Variants in ZNF44 observed in about 807,000 individuals in gnomAD.
The protein encoded by ZNF44 is gonadotropin inducible transcription repressor-2.
Under a neutral mutation model 11.7 loss-of-function variants are expected in ZNF44, and 9 were observed. The ratio of observed to expected loss-of-function variants is 0.77; its 90% CI spans 0.46 to 1.35. The LOEUF (loss-of-function observed/expected upper bound fraction) is 1.35. Ranked by LOEUF, ZNF44 falls within the 40% of genes most tolerant of loss-of-function variation. The probability of loss-of-function intolerance (pLI) is 0.00; values close to 1 mark genes in which losing one functional copy is unlikely to be tolerated. For synonymous variants in ZNF44, 224 were observed against 242.7 expected, an observed-to-expected ratio of 0.92 and a Z score of 0.72; for missense variants, 696 against 743.1, an observed-to-expected ratio of 0.94 and a Z score of 0.74.
rs1402287864 is a variant in ZNF44 at position 12,273,933 on chromosome 19, T to G, written c.322A>C (p.Asn108His). 2.5e-6 allele frequency: 4 copies of G among 1,614,070 alleles called. No individual in the cohort carries two copies. The Admixed American group carries it at 5.0e-5, about 20-fold the overall frequency. ...ARVDACGSSV[N>H]GEVIMGHSSL... is the part of the protein sequence containing the mutation. ...GAATGACCCATTATGACTTCTCCAT[T>G]CACACTGCTTCCACATGCATCTACT... Residue 108 changes from asparagine (N) to histidine (H), a missense_variant, in exon 4 of 4, where the codon AAT becomes CAT. Transcript: ENST00000355684.
intron 3 of ZNF44, among the ~76,000 whole-genome samples, chr19:12,229,793 T>C (rs1916080376): frequency 6.6e-6 from 1 of 152,010 alleles, no homozygotes; most frequent in South Asian, 2.1e-4. Context: ...TTTGTATTTT[T>C]AGTAGAGATG....
chr19:12,224,851 G>A (rs1047967504), downstream of ZNF44: 1 of 152,128 alleles, frequency 6.6e-6, no homozygotes, highest in South Asian at 2.1e-4. Context: ...TTTGTGGCAG[G>A]GTTGGAATGT....
At chr19:12,232,504 T>C (rs1568419110) in intron 2 of ZNF44, among the ~76,000 whole-genome samples, 2 of 152,184 alleles carry the variant, frequency 1.3e-5, no homozygotes, top group Non-Finnish European at 2.9e-5. Context: ...TCCGCAGTGT[T>C]TGTGTCCCTG....
In ZNF44 at chr19:12,273,747, C is replaced by G; in HGVS notation, c.508G>C (p.Asp170His). Reference protein sequence around the residue: ...ERPHTGKKPYDCKECGKTFSS... With the variant: ...ERPHTGKKPYHCKECGKTFSS... ...AAGGTTTTTCCACATTCCTTACAAT[C>G]ATAGGGTTTCTTTCCAGTGTGAGGC... The change falls in exon 4 of 4, where the codon GAT (aspartate) becomes CAT (histidine). Residue 170 changes from aspartate (D) to histidine (H), a missense_variant. Transcript: ENST00000355684. 6.2e-7 allele frequency: 1 copy of G among 1,614,106 alleles called. No homozygotes were observed. The highest frequency in any genetic ancestry group is 8.5e-7 in the Non-Finnish European group (1 of 1,180,004).
chr19:12,260,995 T>C (rs548263771), intron 5 of ZNF44, among the ~76,000 whole-genome samples: 32 of 152,216 alleles, frequency 2.1e-4, no homozygotes, highest in African/African-American at 7.7e-4. Context: ...CTGATGACAG[T>C]GGGTCTCACA....
chr19:12,278,678 G>A (rs1169644579), intron 1 of ZNF44, among the ~76,000 whole-genome samples: 1 of 151,480 alleles, frequency 6.6e-6, no homozygotes, highest in Non-Finnish European at 1.5e-5. Context: ...AGTGAACCAC[G>A]ATTGTGCCAC....
chr19:12,249,484 C>T (rs1362609625), intron 7 of ZNF44, among the ~76,000 whole-genome samples: 16 of 134,956 alleles, frequency 1.2e-4, no homozygotes, highest in Admixed American at 6.5e-4. Context: ...CCAGCTTGGG[C>T]GACAGAGCAA....
downstream of ZNF44, among the ~76,000 whole-genome samples, chr19:12,267,602 T>C (rs1213346971): frequency 6.6e-6 from 1 of 152,114 alleles, no homozygotes; most frequent in Non-Finnish European, 1.5e-5. Context: ...TATCAGTCCC[T>C]GGTGATGAGG....
chr19:12,245,008 A>AT (rs201325860), downstream of ZNF44, among the ~76,000 whole-genome samples: 219 of 152,326 alleles, frequency 1.4e-3, 2 homozygotes, highest in East Asian at 0.027. Context: ...GTGTGATTCT[A>AT]GTGGTCTCTG....
intron 5 of ZNF44, among the ~76,000 whole-genome samples, chr19:12,251,748 AG>A (rs1242384376): frequency 6.6e-6 from 1 of 152,150 alleles, no homozygotes; most frequent in Non-Finnish European, 1.5e-5. Flanking sequence ...CTTGAGGAAC[AG>A]GTTAAGATTT....
In ZNF44 at chr19:12,272,966, A is replaced by G; in HGVS notation, c.1289T>C (p.Phe430Ser). The change falls in exon 4 of 4, where the codon TTC becomes TCC. Residue 430 changes from phenylalanine to serine, a missense_variant. Physicochemically the swap from Phe to Ser is radical, Grantham distance 155 (BLOSUM62 -2). Transcript: ENST00000355684. ...TTTTCGAAGGGAACTGGAAGTACGG[A>G]AGGCTTTCCCACATTGCTTGCATTC... ...PYECKQCGKA[F>S]RTSSSLRKHE... is the part of the protein sequence containing the mutation. The G allele has an allele frequency of 1.2e-6, 2 of 1,613,994 alleles. No homozygotes were observed. The highest frequency in any genetic ancestry group is 1.3e-5 in the African/African-American group (1 of 74,978).
intron 1 of ZNF44, among the ~76,000 whole-genome samples, chr19:12,279,700 T>C (rs2145741678): frequency 6.6e-6 from 1 of 151,664 alleles, no homozygotes; most frequent in African/African-American, 2.4e-5. Flanking sequence ...AGGGATAAAA[T>C]AATACCAAAA....
At chr19:12,254,019 G>A (rs1418053556) in intron 5 of ZNF44, among the ~76,000 whole-genome samples, 1 of 151,952 alleles carries the variant, frequency 6.6e-6, no homozygotes, top group Non-Finnish European at 1.5e-5. Context: ...GAACTGAATA[G>A]CACCAAACAA....
chr19:12,266,186 G>T, intron 5 of ZNF44: 1 of 912,262 alleles, frequency 1.1e-6, no homozygotes, highest in Non-Finnish European at 1.3e-6. Context: ...AGACCCCGGA[G>T]TCGCCCGCAG....
exon 8 of ZNF44, chr19:12,248,289 T>C (rs1382614328): frequency 2.3e-6 from 3 of 1,296,170 alleles, no homozygotes; most frequent in African/African-American, 3.0e-5. Flanking sequence ...AAAGGGTTTA[T>C]CTCCAGTGTG....
intron 5 of ZNF44, among the ~76,000 whole-genome samples, chr19:12,265,472 C>T (rs1917694145): frequency 6.6e-6 from 1 of 152,080 alleles, no homozygotes; most frequent in Admixed American, 6.6e-5. Flanking sequence ...ATATTTTGTA[C>T]CATCCTTCAC....
At position 12,294,790 on chromosome 19, in the gene ZNF44, T is replaced by C; in HGVS notation, c.-96A>G. On this transcript the variant is annotated 5_prime_UTR_variant, in exon 1 of 4. Coordinates refer to ENST00000355684, the MANE Select transcript of ZNF44 (RefSeq NM_016264.4). The stretch of plus-strand genomic sequence containing the variant: ...CACCACAGATGTCCCAGGGCGTCTC[T>C]CAGTGACAGAATACGGAACAGAGGT... 6.9e-7 allele frequency: 1 copy of C among 1,443,238 alleles called. No homozygotes were observed. The highest frequency in any genetic ancestry group is 9.3e-7 in the Non-Finnish European group (1 of 1,074,512). 89.4% of individuals were successfully genotyped at this position (1,443,238 alleles called of 1,614,324 possible).
At chr19:12,252,062 A>C (rs1379459305) in intron 5 of ZNF44, among the ~76,000 whole-genome samples, 5 of 152,122 alleles carry the variant, frequency 3.3e-5, no homozygotes, top group Non-Finnish European at 5.9e-5. Flanking sequence ...AAAAAAAAAA[A>C]AAAACAGATT....
chr19:12,268,616 C>A (rs1452900122), downstream of ZNF44, among the ~76,000 whole-genome samples: 1 of 152,170 alleles, frequency 6.6e-6, no homozygotes. Context: ...CAGGGTCTCA[C>A]TCTGTCACCC....
Sources: gnomAD v4.1 joint callset for allele counts (sites outside exome capture counted in the v4.1 genomes callset) on GRCh38, gnomAD v4.1.1 for gene constraint, MANE v1.5 for transcripts, NCBI Gene and HGNC (gene_info 2026-07-23, HGNC 2026-07-21) for gene names.